Variants in NRL observed in about 807,000 individuals in gnomAD.
NRL encodes the protein neural retina-specific leucine zipper protein.
Under a neutral mutation model 12.5 loss-of-function variants are expected in NRL, and 16 were observed. The observed-to-expected ratio is 1.28, with a 90% CI of 0.87 to 1.95. The LOEUF is 1.95. Ranked by LOEUF, NRL falls within the 30% of genes most tolerant of loss-of-function variation. The pLI, the probability that NRL is intolerant of heterozygous loss-of-function variation, is 0.00. For missense variants in NRL, 314 were observed against 325.8 expected, an observed-to-expected ratio of 0.96 and a Z score of 0.28; for synonymous variants, 142 against 150.9, an observed-to-expected ratio of 0.94 and a Z score of 0.43.
At position 24,103,119 on chromosome 14, in the gene NRL, A is replaced by C. The variant is rs781416617; in HGVS notation, c.-28+11603T>G. 7.9e-6 allele frequency: 12 copies of C among 1,525,162 alleles called. No homozygotes were observed. The Admixed American group carries it at 2.0e-4, about 26-fold the overall frequency. The allele number at this position is 1,525,162 out of a possible 1,614,324, so 94.5% of individuals were successfully genotyped here. Reference sequence around the variant, plus strand: ...CCAGAAGGGCTGGAGTTAGGGTCCAAAGAAAAGGGCTGCCTGTGACTCTGT... The same window carrying C: ...CCAGAAGGGCTGGAGTTAGGGTCCACAGAAAAGGGCTGCCTGTGACTCTGT... On this transcript the variant is annotated intron_variant, in intron 1 of 2. Coordinates refer to ENST00000561028, the MANE Select transcript of NRL (RefSeq NM_001354768.3).
rs397514516 is a variant in NRL at position 24,082,562 on chromosome 14, A to G, written c.287T>C (p.Met96Thr). 3.1e-6 allele frequency: 5 copies of G among 1,613,604 alleles called. No individual in the cohort carries two copies. Among genetic ancestry groups the G allele is most frequent in the Middle Eastern group, 1.7e-4 (1 of 6,060 alleles). ...EALGLSPEEAMELLQGQGPVP... is the reference protein window; with the variant it reads ...EALGLSPEEATELLQGQGPVP... The stretch of plus-strand genomic sequence containing the variant: ...TGGGCCCTGACCCTGCAGCAGCTCC[A>G]TGGCCTCTTCAGGACTCAGCCCCAA... Residue 96 changes from methionine (M) to threonine (T), a missense_variant, in exon 2 of 3, where the codon ATG becomes ACG. Coordinates refer to ENST00000561028, the MANE Select transcript of NRL (RefSeq NM_001354768.3).
rs17101262 is a variant in NRL at position 24,100,195 on chromosome 14, G to A, written c.-28+14527C>T. 1.1e-3 allele frequency: 1,849 copies of A among 1,614,154 alleles called. 22 individuals are homozygous for A. In the African/African-American group the frequency reaches 0.022, roughly 19 times the overall value. On this transcript the variant is annotated intron_variant, in intron 1 of 2. Transcript: ENST00000561028. Reference sequence around the variant, plus strand: ...TGGTGTTACTGTGACCTCCTGGCTGGGCAAACCCTGGAAACCTGGTATGTG... The same window carrying A: ...TGGTGTTACTGTGACCTCCTGGCTGAGCAAACCCTGGAAACCTGGTATGTG...
At chr14:24,092,125 A>G (rs374399799) in intron 1 of NRL, among the ~76,000 whole-genome samples, 1 of 152,228 alleles carries the variant, frequency 6.6e-6, no homozygotes, top group African/African-American at 2.4e-5. Flanking sequence ...CCTACTGTCC[A>G]TAGCATAAAC....
chr14:24,087,086 G>A (rs1272612174), intron 1 of NRL, among the ~76,000 whole-genome samples: 1 of 152,206 alleles, frequency 6.6e-6, no homozygotes, highest in Non-Finnish European at 1.5e-5. Flanking sequence ...AGAGGAAGGA[G>A]ACTAAGGAGG....
intron 1 of NRL, among the ~76,000 whole-genome samples, 169 bp from the exon 2 acceptor site, chr14:24,083,044 C>G (rs1227769321): frequency 6.6e-6 from 1 of 152,208 alleles, no homozygotes; most frequent in African/African-American, 2.4e-5. Context: ...GAAGAGTAAC[C>G]TTTCAGAGGG....
rs371780331 is a variant in NRL, at chr14:24,078,864, G to C, written c.*2372C>G. ...CACCCAGGCTGGAATGCAGTGGCAC[G>C]ATTATGGCTCACTGCATCCCCGAAC... On this transcript the variant is annotated 3_prime_UTR_variant, in exon 3 of 3. Coordinates refer to ENST00000561028, the MANE Select transcript of NRL (RefSeq NM_001354768.3). Among the ~76,000 whole-genome samples the C allele has an allele frequency of 1.3e-5, 2 of 152,156 alleles. No individual in the cohort carries two copies. The highest frequency in any genetic ancestry group is 2.4e-5 in the African/African-American group (1 of 41,438).
At chr14:24,105,265 G>C (rs2037319068) in intron 1 of NRL, among the ~76,000 whole-genome samples, 1 of 152,216 alleles carries the variant, frequency 6.6e-6, no homozygotes, top group African/African-American at 2.4e-5. Context: ...TTCTGCCCAG[G>C]GTGGGCCATG....
intron 1 of NRL, chr14:24,110,306 G>A (rs760928877): frequency 6.0e-5 from 22 of 364,948 alleles, no homozygotes; most frequent in Admixed American, 1.9e-4. Context: ...ATGGGGTTTC[G>A]TCACATTGCC....
chr14:24,082,170 GT>G, intron 2 of NRL: 1 of 712,986 alleles, frequency 1.4e-6, no homozygotes, highest in Non-Finnish European at 1.7e-6. Flanking sequence ...CCATGTATCT[GT>G]TTACCCCCCG....
intron 1 of NRL, among the ~76,000 whole-genome samples, chr14:24,093,665 A>AGAG (rs770845252): frequency 3.9e-5 from 6 of 152,190 alleles, no homozygotes; most frequent in Non-Finnish European, 7.3e-5. Flanking sequence ...CCTGGGTGAC[A>AGAG]GAGTAAGACT....
intron 1 of NRL, chr14:24,098,661 A>G (rs569543145): frequency 6.2e-7 from 1 of 1,613,838 alleles, no homozygotes; most frequent in African/African-American, 1.3e-5. Context: ...TCCGTGGGCC[A>G]GCCCCTGACA....
chr14:24,082,886 G>A lies in NRL; in HGVS notation c.-27-11C>T, dbSNP rs774938625. 34 of 1,594,098 alleles carry A rather than the reference G, an allele frequency of 2.1e-5. No individual in the cohort carries two copies. The highest frequency in any genetic ancestry group is 2.7e-5 in the Non-Finnish European group (32 of 1,169,360). ...CTGGGAGGAGTGCACCTGCAAAGAG[G>A]AGGAGAGGTCTGGAGCACATGGAGG... is the stretch of plus-strand genomic sequence containing the variant. On this transcript the variant is annotated splice_polypyrimidine_tract_variant and intron_variant, in intron 1 of 2. Coordinates refer to ENST00000561028, the MANE Select transcript of NRL (RefSeq NM_001354768.3).
Position 24,085,479 on chromosome 14 carries a change from C to G in NRL, c.-27-2604G>C, listed in dbSNP as rs2036442813. ...CTACATTTTCAGCCTAATCCCCTAA[C>G]ACCTCTTAGAGCTATCATCCCTGAG... On this transcript the variant is annotated intron_variant, in intron 1 of 2. Coordinates refer to ENST00000561028, the MANE Select transcript of NRL (RefSeq NM_001354768.3). This position sits in a 1 kb window ranked among gnomAD's most constrained non-coding sequence, Gnocchi z 4.1. Among the ~76,000 whole-genome samples the G allele has an allele frequency of 6.6e-6, 1 of 152,196 alleles. No homozygotes were observed. Among genetic ancestry groups the G allele is most frequent in the East Asian group, 1.9e-4 (1 of 5,196 alleles).
In NRL at chr14:24,082,834, G is replaced by A. The variant is rs781438052; in HGVS notation, c.15C>T (p.Pro5=). 2.5e-6 allele frequency: 4 copies of A among 1,612,782 alleles called. No homozygotes were observed. In the Admixed American group the frequency reaches 6.7e-5, roughly 27 times the overall value. Residue 5 remains proline, a synonymous_variant, in exon 2 of 3, where the codon CCC becomes CCT. Coordinates refer to ENST00000561028, the MANE Select transcript of NRL (RefSeq NM_001354768.3). MALP[P]SPLAMEYVND... Reference sequence around the variant, plus strand: ...TGACATATTCCATGGCCAGGGGGCTGGGGGGCAGGGCCATTCTGGAGCTGG... The same window carrying A: ...TGACATATTCCATGGCCAGGGGGCTAGGGGGCAGGGCCATTCTGGAGCTGG...
rs781505205 is a variant in NRL, at chr14:24,098,256, T to C, written c.-27-15381A>G. 1.9e-6 allele frequency: 3 copies of C among 1,613,820 alleles called. No homozygotes were observed. Among genetic ancestry groups the C allele is most frequent in the Admixed American group, 3.3e-5 (2 of 59,978 alleles). On this transcript the variant is annotated intron_variant, in intron 1 of 2. Transcript: ENST00000561028. ...GTGGCACGAGTAGAGAGCAAGACGGTGATTGTAACTCCTTCTCAGCGGGAC... is the reference window on the plus strand; with the variant it reads ...GTGGCACGAGTAGAGAGCAAGACGGCGATTGTAACTCCTTCTCAGCGGGAC...
intron 1 of NRL, chr14:24,102,846 G>T (rs565080985): frequency 3.7e-6 from 6 of 1,614,066 alleles, no homozygotes; most frequent in East Asian, 2.2e-5. Context: ...GCCCCAGAGG[G>T]TGTCCCCATT....
rs1257913147 is a variant in NRL at position 24,102,736 on chromosome 14, T to C, written c.-28+11986A>G. 1.5e-5 allele frequency: 24 copies of C among 1,608,180 alleles called. No homozygotes were observed. Among genetic ancestry groups the C allele is most frequent in the Admixed American group, 1.0e-4 (6 of 59,422 alleles). On this transcript the variant is annotated intron_variant, in intron 1 of 2. Coordinates refer to ENST00000561028, the MANE Select transcript of NRL (RefSeq NM_001354768.3). ...ACATGACCTTGGAAATAATAGTGTT[T>C]GTATTTCCTCTGCCAGGTGACAAGG...
At chr14:24,099,333 C>T (rs2037055565) in intron 1 of NRL, 1 of 1,252,948 alleles carries the variant, frequency 8.0e-7, no homozygotes, top group South Asian at 1.4e-5. Flanking sequence ...TGCCAGGTGC[C>T]AGGCTGGTGG....
intron 1 of NRL, chr14:24,098,989 G>A: frequency 1.5e-6 from 2 of 1,338,902 alleles, no homozygotes; most frequent in Non-Finnish European, 2.1e-6. Flanking sequence ...GATCCCTCTG[G>A]CCCCGACACC....
Sources: gnomAD v4.1 joint callset for allele counts (sites outside exome capture counted in the v4.1 genomes callset) on GRCh38, gnomAD v4.1.1 for gene constraint, Gnocchi (gnomAD v3.1) non-coding constraint, MANE v1.5 for transcripts, NCBI Gene and HGNC (gene_info 2026-07-23, HGNC 2026-07-21) for gene names.